MYO10: variants seen among roughly 807,000 people sequenced by gnomAD.
MYO10 encodes myosin X, also known as unconventional myosin-X.
Under a neutral mutation model 257.3 loss-of-function variants are expected in MYO10, and 133 were observed. The ratio of observed to expected loss-of-function variants is 0.52; its 90% CI spans 0.45 to 0.60. The LOEUF (loss-of-function observed/expected upper bound fraction) is 0.60, where lower values mean the gene tolerates loss of function less well. Among genes scored for constraint, MYO10 ranks in the 20% least tolerant of loss-of-function variants. The probability of loss-of-function intolerance (pLI) is 0.00; values close to 1 mark genes in which losing one functional copy is unlikely to be tolerated. For missense variants in MYO10, 2,399 were observed against 2,635.7 expected, an observed-to-expected ratio of 0.91 and a Z score of 1.97; for synonymous variants, 1,104 against 1,028.6, an observed-to-expected ratio of 1.07 and a Z score of -1.40.
intron 26 of MYO10, among the ~76,000 whole-genome samples, chr5:16,697,102 T>C (rs1737782438): frequency 6.6e-6 from 1 of 152,092 alleles, no homozygotes; most frequent in African/African-American, 2.4e-5. Context: ...ACCCTTGATG[T>C]TTTTCATTCC....
At chr5:16,786,595 G>A (rs1741588275) in intron 4 of MYO10, among the ~76,000 whole-genome samples, 2 of 152,070 alleles carry the variant, frequency 1.3e-5, no homozygotes, top group Admixed American at 6.6e-5. Flanking sequence ...GTTCTTTGGG[G>A]TTCTTTGGGG....
At chr5:16,799,900 G>C (rs1021056624) in intron 3 of MYO10, among the ~76,000 whole-genome samples, 2 of 152,046 alleles carry the variant, frequency 1.3e-5, no homozygotes, top group Admixed American at 6.6e-5. Flanking sequence ...AAAGGCATCG[G>C]GATACTCTCC....
chr5:16,916,341 CAT>C (rs1745816168), intron 1 of MYO10: 2 of 271,498 alleles, frequency 7.4e-6, no homozygotes, highest in South Asian at 3.3e-5. Context: ...GAAAAGCACA[CAT>C]GACACTAAAG....
At position 16,840,448 on chromosome 5, in the gene MYO10, A is replaced by AATGAAT. The variant is rs771759083; in HGVS notation, c.121-22282_121-22281insATTCAT. On this transcript the variant is annotated intron_variant, in intron 2 of 40. Coordinates refer to ENST00000513610, the MANE Select transcript of MYO10 (RefSeq NM_012334.3). ...ATGAATGAATGAATGAATGAATGAA[A>AATGAAT]GAAAGAAACAGAAGAGCTTAAGCAT... Among the ~76,000 whole-genome samples, 422 of 110,376 alleles carry AATGAAT rather than the reference A, an allele frequency of 3.8e-3. 2 individuals carry two copies. The highest frequency in any genetic ancestry group is 6.7e-3 in the African/African-American group (219 of 32,756). The allele number at this position is 110,376 out of a possible 152,430, so 72.4% of individuals were successfully genotyped here.
chr5:16,673,670 GC>G lies in MYO10; in HGVS notation c.5172+11del. 1 of 1,610,730 alleles carries G rather than the reference GC, an allele frequency of 6.2e-7. No individual in the cohort carries two copies. The highest frequency in any genetic ancestry group is 1.1e-5 in the South Asian group (1 of 90,722). On this transcript the variant is annotated intron_variant, in intron 36 of 40. Transcript: ENST00000513610. The stretch of plus-strand genomic sequence containing the variant: ...GCATCTAACAGAACAAGCAGCAGCT[GC>G]CTCTCCTCACCTCCCCAGCGGTGGT...
chr5:16,804,565 C>T (rs936374619), intron 3 of MYO10, among the ~76,000 whole-genome samples: 10 of 152,278 alleles, frequency 6.6e-5, no homozygotes, highest in East Asian at 1.9e-4. Flanking sequence ...AGTTCCCAAT[C>T]GTTTATTTCA....
At chr5:16,782,394 C>T (rs1741450500) in intron 5 of MYO10, among the ~76,000 whole-genome samples, 1 of 152,126 alleles carries the variant, frequency 6.6e-6, no homozygotes, top group Admixed American at 6.5e-5. Context: ...GCTGTAAACA[C>T]TACTCATGAG....
At position 16,796,500 on chromosome 5, in the gene MYO10, AAAAT is replaced by A. The variant is rs1389849355; in HGVS notation, c.280-1671_280-1668del. Among the ~76,000 whole-genome samples, 681 of 150,580 alleles carry A rather than the reference AAAAT, an allele frequency of 4.5e-3. 4 individuals are homozygous for A. The highest frequency in any genetic ancestry group is 8.0e-3 in the Non-Finnish European group (537 of 67,436). ...AAAGAAAAGAAAGAAAGAAAGAAGG[AAAAT>A]AAATAAATAAATAGAGGCTACAGAG... On this transcript the variant is annotated intron_variant, in intron 3 of 40. Transcript: ENST00000513610.
intron 21 of MYO10, among the ~76,000 whole-genome samples, chr5:16,709,212 A>G (rs1370040962): frequency 3.9e-5 from 6 of 152,208 alleles, no homozygotes; most frequent in Admixed American, 6.5e-5. Flanking sequence ...GAGTCCTTTC[A>G]AAGTCTACCT....
At chr5:16,836,751 T>A (rs1266646924) in intron 2 of MYO10, among the ~76,000 whole-genome samples, 1 of 152,238 alleles carries the variant, frequency 6.6e-6, no homozygotes, top group Admixed American at 6.5e-5. Context: ...CTGGTGGGAA[T>A]GTAAAATGGT....
intron 2 of MYO10, among the ~76,000 whole-genome samples, chr5:16,821,686 T>C (rs576009087): frequency 1.3e-5 from 2 of 151,850 alleles, no homozygotes; most frequent in African/African-American, 4.8e-5. Flanking sequence ...CAGGATGGTC[T>C]TGATCTCCTG....
intron 21 of MYO10, among the ~76,000 whole-genome samples, chr5:16,705,026 T>C (rs1429732800): frequency 1.3e-5 from 2 of 152,194 alleles, no homozygotes; most frequent in African/African-American, 4.8e-5. Flanking sequence ...CTGGGACGAA[T>C]AGTTCATGGA....
At chr5:16,731,641 G>A (rs1470409707) in intron 19 of MYO10, among the ~76,000 whole-genome samples, 2 of 152,206 alleles carry the variant, frequency 1.3e-5, no homozygotes, top group African/African-American at 4.8e-5. Flanking sequence ...GAGCCACCAC[G>A]CCAGGCCAAA....
At chr5:16,903,336 C>T (rs1399944359) in intron 1 of MYO10, among the ~76,000 whole-genome samples, 4 of 152,254 alleles carry the variant, frequency 2.6e-5, no homozygotes, top group African/African-American at 7.2e-5. Flanking sequence ...ACCTGGGAGG[C>T]GGAGGTTGCA....
chr5:16,921,675 T>C (rs954165804), intron 1 of MYO10, among the ~76,000 whole-genome samples: 24 of 150,016 alleles, frequency 1.6e-4, no homozygotes, highest in African/African-American at 5.4e-4. Flanking sequence ...ATGAGGAAGA[T>C]CGAAAAAATA....
At chr5:16,720,465 A>G (rs940817859) in intron 19 of MYO10, among the ~76,000 whole-genome samples, 3 of 151,300 alleles carry the variant, frequency 2.0e-5, no homozygotes, top group Non-Finnish European at 4.4e-5. Flanking sequence ...ATTTTAATTT[A>G]ATTTTTGAGA....
chr5:16,819,008 A>G (rs1368041813), intron 2 of MYO10, among the ~76,000 whole-genome samples: 1 of 152,200 alleles, frequency 6.6e-6, no homozygotes, highest in Admixed American at 6.5e-5. Context: ...CCATTTAATT[A>G]TTAATTTAAG....
rs1465635410 is a variant in MYO10 at position 16,794,634 on chromosome 5, G to C, written c.467+12C>G. 6.3e-7 allele frequency: 1 copy of C among 1,597,728 alleles called. No homozygotes were observed. Among genetic ancestry groups the C allele is most frequent in the African/African-American group, 1.3e-5 (1 of 74,694 alleles). On this transcript the variant is annotated intron_variant, in intron 4 of 40. Coordinates refer to ENST00000513610, the MANE Select transcript of MYO10 (RefSeq NM_012334.3). ...GCCATGGGAAAGTCCGACTGGCTGTGAGCCCCGTTACCTGATGAGGATGCA... is the reference window on the plus strand; with the variant it reads ...GCCATGGGAAAGTCCGACTGGCTGTCAGCCCCGTTACCTGATGAGGATGCA...
At chr5:16,752,799 C>T (rs966411539) in intron 19 of MYO10, among the ~76,000 whole-genome samples, 4 of 152,170 alleles carry the variant, frequency 2.6e-5, no homozygotes, top group Admixed American at 6.5e-5. Flanking sequence ...AAACCAGCTA[C>T]GTGACATAGT....
Sources: gnomAD v4.1 joint callset for allele counts (sites outside exome capture counted in the v4.1 genomes callset) on GRCh38, gnomAD v4.1.1 for gene constraint, MANE v1.5 for transcripts, NCBI Gene and HGNC (gene_info 2026-07-23, HGNC 2026-07-21) for gene names.